FLNB: variants seen among roughly 807,000 people sequenced by gnomAD.
The protein encoded by FLNB is filamin B.
FLNB carries 111 observed loss-of-function variants against 250.6 expected under a neutral mutation model. The observed-to-expected ratio is 0.44, with a 90% CI of 0.38 to 0.52. The LOEUF is 0.52. Among genes scored for constraint, FLNB ranks in the 20% least tolerant of loss-of-function variants. FLNB has a pLI of 0.00. For missense variants in FLNB, 2,869 were observed against 3,447.8 expected (o/e 0.83, Z 4.20); for synonymous variants, 1,302 against 1,372.1 (o/e 0.95, Z 1.13).
At chr3:58,101,282 T>C (rs1440919681) in intron 8 of FLNB, among the ~76,000 whole-genome samples, 1 of 152,148 alleles carries the variant, frequency 6.6e-6, no homozygotes, top group African/African-American at 2.4e-5. Flanking sequence ...GACCTTCCTG[T>C]ATAGAGATTT....
Position 58,061,720 on chromosome 3 carries a change from CA to C in FLNB, c.293-15325del, listed in dbSNP as rs1462531434. 2.1e-5 allele frequency among the ~76,000 whole-genome samples: 3 copies of C among 144,984 alleles called. No homozygotes were observed. In the East Asian group the frequency reaches 6.1e-4, roughly 29 times the overall value. On this transcript the variant is annotated intron_variant, in intron 1 of 45. Coordinates refer to ENST00000295956, the MANE Select transcript of FLNB (RefSeq NM_001457.4). ...CACCACTGCACTCCAGCCTAGGTGA[CA>C]GAGTGAGACCCTGTCTCCCCCTGGC...
chr3:58,074,775 G>A (rs2097199392), intron 1 of FLNB, among the ~76,000 whole-genome samples: 3 of 152,136 alleles, frequency 2.0e-5, no homozygotes, highest in Admixed American at 2.0e-4. Flanking sequence ...AGACAGTCCT[G>A]CTTCGAAGTT....
rs553444017 is a variant in FLNB, at chr3:58,031,328, C to T, written c.292+22472C>T. Among the ~76,000 whole-genome samples the T allele has an allele frequency of 2.4e-4, 36 of 152,096 alleles. No individual in the cohort carries two copies. In the South Asian group the frequency reaches 6.2e-3, roughly 26 times the overall value. ...TGCGATCTCGGCTCACTGCAAGCTC[C>T]GCCTCCCGGGTTCGCGCCATTCTCC... On this transcript the variant is annotated intron_variant, in intron 1 of 45. Transcript: ENST00000295956.
At chr3:58,135,106 C>T (rs1384857866) in intron 27 of FLNB, among the ~76,000 whole-genome samples, 2 of 152,214 alleles carry the variant, frequency 1.3e-5, no homozygotes, top group Non-Finnish European at 2.9e-5. Context: ...CTGCCTGCCT[C>T]AACCTCCCAA....
chr3:58,067,820 C>T (rs1213619606), intron 1 of FLNB, among the ~76,000 whole-genome samples: 2 of 152,128 alleles, frequency 1.3e-5, no homozygotes, highest in African/African-American at 4.8e-5. Context: ...CGTGATCCGC[C>T]CACCTCCGCC....
chr3:58,143,727 T>C, intron 32 of FLNB, 114 bp downstream of exon 32: 1 of 1,291,388 alleles, frequency 7.7e-7, no homozygotes, highest in South Asian at 1.2e-5. Flanking sequence ...GGCTGGAGAA[T>C]GCAGCGTTGG....
At chr3:58,167,278 A>C (rs2097372268) in intron 43 of FLNB, among the ~76,000 whole-genome samples, 1 of 152,138 alleles carries the variant, frequency 6.6e-6, no homozygotes, top group African/African-American at 2.4e-5. Context: ...TTGGCTGCAC[A>C]GATTAGATAC....
intron 1 of FLNB, among the ~76,000 whole-genome samples, chr3:58,021,510 G>C (rs2097114030): frequency 6.6e-6 from 1 of 152,120 alleles, no homozygotes; most frequent in Non-Finnish European, 1.5e-5. Flanking sequence ...TGGCAGAGTT[G>C]GCTTGAAAGC....
At chr3:58,059,348 A>G (rs1415167741) in intron 1 of FLNB, among the ~76,000 whole-genome samples, 1 of 152,228 alleles carries the variant, frequency 6.6e-6, no homozygotes, top group Non-Finnish European at 1.5e-5. Flanking sequence ...GAAAAACTTT[A>G]GTAAATAGGC....
chr3:58,063,678 G>T lies in FLNB; in HGVS notation c.293-13368G>T, dbSNP rs376965865. Among the ~76,000 whole-genome samples the T allele has an allele frequency of 3.3e-5, 5 of 152,204 alleles. No individual in the cohort carries two copies. In the East Asian group the frequency reaches 5.8e-4, roughly 18 times the overall value. ...CTCAAGACTTTAAATTAGGAGTTTT[G>T]TTCCCTTTTATGACTTCACAATCTT... On this transcript the variant is annotated intron_variant, in intron 1 of 45. Coordinates refer to ENST00000295956, the MANE Select transcript of FLNB (RefSeq NM_001457.4).
intron 1 of FLNB, among the ~76,000 whole-genome samples, chr3:58,068,768 G>GGCT (rs886796580): frequency 6.6e-6 from 1 of 151,968 alleles, no homozygotes; most frequent in Non-Finnish European, 1.5e-5. Context: ...GCTCTTCACA[G>GGCT]GCTGCTGCTG....
chr3:58,052,117 A>C (rs1290299307), intron 1 of FLNB, among the ~76,000 whole-genome samples: 1 of 151,948 alleles, frequency 6.6e-6, no homozygotes, highest in Non-Finnish European at 1.5e-5. Flanking sequence ...TGAACTCCTG[A>C]CCTCAGGTGA....
chr3:58,057,423 G>A (rs2097172215), intron 1 of FLNB, among the ~76,000 whole-genome samples: 1 of 152,218 alleles, frequency 6.6e-6, no homozygotes, highest in African/African-American at 2.4e-5. Context: ...CCTAGCTTTA[G>A]AAGTGTTTTG....
At chr3:58,077,951 C>T (rs528792057) in intron 2 of FLNB, among the ~76,000 whole-genome samples, 2 of 152,090 alleles carry the variant, frequency 1.3e-5, no homozygotes, top group South Asian at 4.2e-4. Context: ...ACACACACCC[C>T]CTAAAGTTGA....
At position 58,168,551 on chromosome 3, in the gene FLNB, G is replaced by A; in HGVS notation, c.7310G>A (p.Gly2437Glu). 6.2e-7 allele frequency: 1 copy of A among 1,614,062 alleles called. No homozygotes were observed. The highest frequency in any genetic ancestry group is 8.5e-7 in the Non-Finnish European group (1 of 1,179,918). Residue 2437 changes from glycine (G) to glutamate (E), a missense_variant, in exon 44 of 46, where the codon GGG (glycine) becomes GAG (glutamate). Physicochemically the swap from Gly to Glu is moderately conservative, Grantham distance 98. This residue lies in a region of FLNB where 1,084 missense variants were observed against 1,315.5 expected (regional missense o/e 0.82). Transcript: ENST00000295956. Reference protein sequence around the residue: ...VKMDCQETPEGYKVMYTPMAP... With the variant: ...VKMDCQETPEEYKVMYTPMAP... ...ATGGATTGCCAGGAAACACCTGAAG[G>A]GTACAAAGTCATGTACACCCCCATG...
At position 58,132,691 on chromosome 3, in the gene FLNB, C is replaced by T. The variant is rs2097309460; in HGVS notation, c.4391-117C>T. 1.4e-5 allele frequency: 18 copies of T among 1,297,588 alleles called. 1 individual carries two copies. The South Asian group carries it at 2.0e-4, about 15-fold the overall frequency. 80.4% of individuals were successfully genotyped at this position (1,297,588 alleles called of 1,614,324 possible). A position where few individuals can be genotyped will look rare whatever the true frequency, so the allele number is the denominator to read the frequency against. On this transcript the variant is annotated intron_variant, in intron 25 of 45. Transcript: ENST00000295956. ...ATTATGGTTGCTGGCCTTTTTGTTA[C>T]TCATCAGTGGAAACCAATAGCTCTT...
At position 58,170,948 on chromosome 3, in the gene FLNB, T is replaced by G. The variant is rs1329160463; in HGVS notation, c.*186T>G. The G allele has an allele frequency of 6.6e-6, 4 of 609,690 alleles. No individual in the cohort carries two copies. The highest frequency in any genetic ancestry group is 3.7e-5 in the African/African-American group (2 of 54,192). 37.8% of individuals were successfully genotyped at this position (609,690 alleles called of 1,614,324 possible). A position where few individuals can be genotyped will look rare whatever the true frequency, so the allele number is the denominator to read the frequency against. The stretch of plus-strand genomic sequence containing the variant: ...CTCTTGAGGGACATATTGGAGAATC[T>G]TAAGAAATGCAAGCTTGTTCAGGGG... On this transcript the variant is annotated 3_prime_UTR_variant, in exon 46 of 46. Transcript: ENST00000295956.
intron 12 of FLNB, among the ~76,000 whole-genome samples, chr3:58,107,163 G>A (rs2097261057): frequency 6.6e-6 from 1 of 152,176 alleles, no homozygotes; most frequent in African/African-American, 2.4e-5. Context: ...CCAAGTAGCT[G>A]GAACTACAGG....
In FLNB at chr3:58,134,787, T is replaced by C. The variant is rs763887581; in HGVS notation, c.4671+15T>C. ...TTCAAATAACGGTAACTTGGAGTTA[T>C]TTTCTGAGCCAAACCTTAATCCTAA... is the stretch of plus-strand genomic sequence containing the variant. On this transcript the variant is annotated intron_variant, in intron 27 of 45. Transcript: ENST00000295956. 1.9e-6 allele frequency: 3 copies of C among 1,612,866 alleles called. No homozygotes were observed. The Admixed American group carries it at 5.0e-5, about 27-fold the overall frequency.
Sources: allele counts gnomAD v4.1 joint callset (sites outside exome capture counted in the v4.1 genomes callset), GRCh38; gene constraint gnomAD v4.1.1; regional missense constraint gnomAD v4.1.1; transcripts MANE v1.5; gene names NCBI Gene and HGNC (gene_info 2026-07-23, HGNC 2026-07-21).